Variants in PLCL1 observed in about 807,000 individuals in gnomAD.
PLCL1 encodes the protein phospholipase C like 1 (inactive).
In PLCL1, 41 loss-of-function variants were observed where a neutral mutation model predicts 84.4. That is an observed-to-expected ratio of 0.49 (90% CI 0.38 to 0.63). The LOEUF (loss-of-function observed/expected upper bound fraction) is 0.63, where lower values mean the gene tolerates loss of function less well. Among genes scored for constraint, PLCL1 ranks in the 30% least tolerant of loss-of-function variants. The pLI, the probability that PLCL1 is intolerant of heterozygous loss-of-function variation, is 0.00. For synonymous variants in PLCL1, 490 were observed against 488.3 expected, an observed-to-expected ratio of 1.00 and a Z score of -0.05; for missense variants, 1,206 against 1,367.8, an observed-to-expected ratio of 0.88 and a Z score of 1.87.
chr2:197,852,658 T>G (rs1363652220), intron 1 of PLCL1, among the ~76,000 whole-genome samples: 1 of 152,208 alleles, frequency 6.6e-6, no homozygotes, highest in Non-Finnish European at 1.5e-5. Flanking sequence ...TCACTGCTAA[T>G]TAATGTTATA....
intron 1 of PLCL1, among the ~76,000 whole-genome samples, chr2:198,004,132 A>G (rs1690670487): frequency 6.8e-6 from 1 of 147,118 alleles, no homozygotes; most frequent in Non-Finnish European, 1.5e-5. Flanking sequence ...AATGTAATAT[A>G]TTTAGCTTTT....
intron 1 of PLCL1, among the ~76,000 whole-genome samples, chr2:197,836,854 T>A (rs1185891181): frequency 6.6e-6 from 1 of 152,074 alleles, no homozygotes; most frequent in East Asian, 1.9e-4. Context: ...CTACCACAGA[T>A]AGCTTATTTT....
intron 2 of PLCL1, 43 bp from the exon 3 acceptor site, chr2:198,088,815 G>A (rs1692948035): frequency 8.7e-7 from 1 of 1,151,710 alleles, no homozygotes; most frequent in African/African-American, 1.5e-5. Flanking sequence ...GCGGTGATGT[G>A]TCAGGTGGTC....
At chr2:198,070,639 A>C (rs1692442110) in intron 1 of PLCL1, among the ~76,000 whole-genome samples, 1 of 151,972 alleles carries the variant, frequency 6.6e-6, no homozygotes, top group Admixed American at 6.6e-5. Context: ...AAGAATAATA[A>C]ATATTTCAAA....
chr2:197,927,465 T>C (rs535489125), intron 1 of PLCL1, among the ~76,000 whole-genome samples: 47 of 152,350 alleles, frequency 3.1e-4, no homozygotes, highest in African/African-American at 1.0e-3. Flanking sequence ...TATGTTCTTC[T>C]ATCATTTTGA....
chr2:197,825,878 C>A (rs575413495), intron 1 of PLCL1, among the ~76,000 whole-genome samples: 1 of 152,310 alleles, frequency 6.6e-6, no homozygotes, highest in South Asian at 2.1e-4. Context: ...GTGAATAATG[C>A]AATATATCTG....
intron 1 of PLCL1, among the ~76,000 whole-genome samples, chr2:198,065,754 G>C (rs2105880960): frequency 6.6e-6 from 1 of 152,274 alleles, no homozygotes; most frequent in South Asian, 2.1e-4. Context: ...GAAAATATCA[G>C]TCTCTGCCTC....
chr2:197,988,733 A>G (rs2105810705), intron 1 of PLCL1, among the ~76,000 whole-genome samples: 1 of 152,308 alleles, frequency 6.6e-6, no homozygotes, highest in South Asian at 2.1e-4. Flanking sequence ...CTTTAGGTAG[A>G]TAGCCAGTAG....
intron 1 of PLCL1, among the ~76,000 whole-genome samples, chr2:197,811,804 T>A (rs1690592340): frequency 6.6e-6 from 1 of 152,210 alleles, no homozygotes; most frequent in Admixed American, 6.5e-5. Flanking sequence ...TTTTTAACAT[T>A]TTTTACTTCT....
intron 1 of PLCL1, among the ~76,000 whole-genome samples, chr2:197,906,498 T>C (rs1285938285): frequency 6.6e-6 from 1 of 152,220 alleles, no homozygotes; most frequent in African/African-American, 2.4e-5. Flanking sequence ...GGTAGCATGA[T>C]GCCTCCAGCT....
intron 1 of PLCL1, among the ~76,000 whole-genome samples, chr2:197,819,885 T>A (rs946008433): frequency 1.5e-5 from 1 of 67,726 alleles, no homozygotes; most frequent in African/African-American, 8.4e-5. Flanking sequence ...CTATTATGCA[T>A]GTGTGTGTGT....
At chr2:197,806,014 T>C (rs1690468097) in intron 1 of PLCL1, among the ~76,000 whole-genome samples, 1 of 152,224 alleles carries the variant, frequency 6.6e-6, no homozygotes, top group Non-Finnish European at 1.5e-5. Context: ...TCTCCATCCA[T>C]TTGGCAAGGA....
intron 5 of PLCL1, among the ~76,000 whole-genome samples, chr2:198,136,270 T>C (rs1203906408): frequency 6.6e-6 from 1 of 152,102 alleles, no homozygotes; most frequent in African/African-American, 2.4e-5. Flanking sequence ...CTAAAGAATT[T>C]AGAGGTATTA....
chr2:197,914,317 T>C (rs1342014251), intron 1 of PLCL1, among the ~76,000 whole-genome samples: 1 of 152,120 alleles, frequency 6.6e-6, no homozygotes, highest in South Asian at 2.1e-4. Context: ...TGCTTTCACA[T>C]TAAATTTTTA....
rs139548373 is a variant in PLCL1, at chr2:197,813,446, A to AT, written c.240+8107_240+8108insT. ...TGCAAAGTCATCTTCAGCATTTAGT[A>AT]AACTCCAGCTTTGAAATATTTTGGA... On this transcript the variant is annotated intron_variant, in intron 1 of 5. Coordinates refer to ENST00000428675, the MANE Select transcript of PLCL1 (RefSeq NM_006226.4). 5.8e-4 allele frequency among the ~76,000 whole-genome samples: 89 copies of AT among 152,278 alleles called. 1 individual carries two copies. In the East Asian group the frequency reaches 0.017, roughly 29 times the overall value.
intron 1 of PLCL1, among the ~76,000 whole-genome samples, chr2:197,998,253 T>G (rs2105818272): frequency 6.6e-6 from 1 of 151,780 alleles, no homozygotes; most frequent in Non-Finnish European, 1.5e-5. Flanking sequence ...TGCATGTGTG[T>G]ATGTGTATGT....
chr2:198,053,245 T>G (rs1464731682), intron 1 of PLCL1, among the ~76,000 whole-genome samples: 1 of 152,216 alleles, frequency 6.6e-6, no homozygotes, highest in Non-Finnish European at 1.5e-5. Context: ...CTATTCCTTT[T>G]CTCCCACTTC....
intron 1 of PLCL1, among the ~76,000 whole-genome samples, chr2:197,857,446 A>G (rs949031278): frequency 1.1e-4 from 16 of 152,214 alleles, no homozygotes; most frequent in African/African-American, 3.6e-4. Context: ...TGAATAAACT[A>G]CTATAGTACT....
chr2:197,900,655 T>G (rs535055806), intron 1 of PLCL1, among the ~76,000 whole-genome samples: 22 of 152,358 alleles, frequency 1.4e-4, no homozygotes, highest in African/African-American at 5.3e-4. Context: ...TCATTTCAGT[T>G]TTTATTACTA....
Sources: allele counts gnomAD v4.1 joint callset (sites outside exome capture counted in the v4.1 genomes callset), GRCh38; gene constraint gnomAD v4.1.1; transcripts MANE v1.5; gene names NCBI Gene and HGNC (gene_info 2026-07-23, HGNC 2026-07-21).